The following OLFM3 variants were observed in gnomAD, a reference collection of about 807,000 sequenced individuals.
OLFM3 encodes the protein olfactomedin 3, also known as noelin-3.
OLFM3 carries 20 observed loss-of-function variants against 48.6 expected under a neutral mutation model. The observed-to-expected ratio is 0.41, with a 90% CI of 0.29 to 0.60. The LOEUF (loss-of-function observed/expected upper bound fraction) is 0.60, where lower values mean the gene tolerates loss of function less well. Among genes scored for constraint, OLFM3 ranks in the 20% least tolerant of loss-of-function variants. OLFM3 has a pLI of 0.28. For missense variants in OLFM3, 437 were observed against 544.3 expected (o/e 0.80, Z 1.96); for synonymous variants, 222 against 198.1 (o/e 1.12, Z -1.01).
chr1:101,815,454 G>GAAAA (rs71088110), intron 4 of OLFM3, among the ~76,000 whole-genome samples: 2 of 128,086 alleles, frequency 1.6e-5, no homozygotes, highest in African/African-American at 5.7e-5. Context: ...CTCAAAAAAA[G>GAAAA]AAAAAAAAAA....
At chr1:101,945,541 T>C (rs779101133) in intron 1 of OLFM3, among the ~76,000 whole-genome samples, 4 of 152,054 alleles carry the variant, frequency 2.6e-5, no homozygotes, top group African/African-American at 4.8e-5. Flanking sequence ...AAAGGGAAAA[T>C]TGGAGTGGTG....
intron 1 of OLFM3, chr1:101,882,649 T>C (rs1173953893): frequency 6.6e-6 from 1 of 151,832 alleles, no homozygotes; most frequent in South Asian, 2.1e-4. Context: ...ATGGTTGCTA[T>C]AAGTTTGACA....
chr1:101,943,988 AT>A lies in OLFM3; in HGVS notation c.69+52759del, dbSNP rs550569521. 1.5e-3 allele frequency among the ~76,000 whole-genome samples: 220 copies of A among 151,398 alleles called. 3 individuals are homozygous for A. The highest frequency in any genetic ancestry group is 5.0e-3 in the African/African-American group (208 of 41,394). ...TATGATAAAATAACCCCAAAAGAATATTCCGTTGAAAGTTGTATTCCCACTA... is the reference window on the plus strand; with the variant it reads ...TATGATAAAATAACCCCAAAAGAATATCCGTTGAAAGTTGTATTCCCACTA... On this transcript the variant is annotated intron_variant, in intron 1 of 5. Transcript: ENST00000370103.
In OLFM3 at chr1:101,812,657, T is replaced by C. The variant is rs1018521793; in HGVS notation, c.593-6475A>G. 6 of 985,650 alleles carry C rather than the reference T, an allele frequency of 6.1e-6. No homozygotes were observed. In the African/African-American group the frequency reaches 1.0e-4, roughly 17 times the overall value. 61.1% of individuals were successfully genotyped at this position (985,650 alleles called of 1,614,324 possible). On this transcript the variant is annotated intron_variant, in intron 4 of 5. Coordinates refer to ENST00000370103, the MANE Select transcript of OLFM3 (RefSeq NM_058170.4). The stretch of plus-strand genomic sequence containing the variant: ...TGGCTTCGATGGTGCTTGAATCTAA[T>C]CCAGCCTTGCATCTCTATGGCAAAG...
chr1:101,955,396 C>G (rs749030635), intron 1 of OLFM3, among the ~76,000 whole-genome samples: 1 of 151,982 alleles, frequency 6.6e-6, no homozygotes, highest in African/African-American at 2.4e-5. Context: ...GTCAAGCCTA[C>G]TTGACATCTT....
chr1:101,951,243 T>C (rs184591866), intron 1 of OLFM3, among the ~76,000 whole-genome samples: 195 of 152,338 alleles, frequency 1.3e-3, no homozygotes, highest in African/African-American at 4.4e-3. Flanking sequence ...TACACAATAT[T>C]TGAATTAGTA....
chr1:101,809,877 A>G (rs6678257), intron 4 of OLFM3, among the ~76,000 whole-genome samples: 84,013 of 151,680 alleles, frequency 0.55, 23,681 homozygotes, highest in East Asian at 0.64. Flanking sequence ...GCTCCCAAGG[A>G]ACAATATAAA....
chr1:101,858,278 G>A (rs1033658431), intron 1 of OLFM3, among the ~76,000 whole-genome samples: 1 of 151,952 alleles, frequency 6.6e-6, no homozygotes, highest in African/African-American at 2.4e-5. Flanking sequence ...AATTATTTGA[G>A]GAGCAAGGTC....
intron 1 of OLFM3, among the ~76,000 whole-genome samples, chr1:101,856,924 A>C (rs1033894431): frequency 1.4e-4 from 21 of 152,166 alleles, no homozygotes; most frequent in Admixed American, 1.2e-3. Context: ...GGGAATTAGT[A>C]CCACATAGTG....
intron 1 of OLFM3, among the ~76,000 whole-genome samples, chr1:101,858,116 T>C (rs1186513740): frequency 6.6e-6 from 1 of 152,090 alleles, no homozygotes; most frequent in African/African-American, 2.4e-5. Context: ...ACCTCATTAA[T>C]AGCTTTTTCT....
Position 101,805,920 on chromosome 1 carries a change from G to A in OLFM3, c.699+156C>T, listed in dbSNP as rs112999287. ...ACTAAAATAGATTTGTCATTCTTTC[G>A]TAGATATGTTAATATTATCAAACAG... is the stretch of plus-strand genomic sequence containing the variant. On this transcript the variant is annotated intron_variant, in intron 5 of 5. Transcript: ENST00000370103. 1.8e-3 allele frequency among the ~76,000 whole-genome samples: 266 copies of A among 151,850 alleles called. 1 individual carries two copies. Among genetic ancestry groups the A allele is most frequent in the South Asian group, 0.017 (81 of 4,826 alleles).
At position 101,903,694 on chromosome 1, in the gene OLFM3, A is replaced by G. The variant is rs188021054; in HGVS notation, c.70-66669T>C. 5.3e-5 allele frequency among the ~76,000 whole-genome samples: 8 copies of G among 152,220 alleles called. No individual in the cohort carries two copies. In the East Asian group the frequency reaches 1.5e-3, roughly 29 times the overall value. On this transcript the variant is annotated intron_variant, in intron 1 of 5. Transcript: ENST00000370103. The stretch of plus-strand genomic sequence containing the variant: ...TCTATGTTTCCTGCATGTCCTATCA[A>G]AGAAAAACAATCCTTGAAACCATTT...
chr1:101,952,742 T>C (rs749081027), intron 1 of OLFM3, among the ~76,000 whole-genome samples: 1 of 152,154 alleles, frequency 6.6e-6, no homozygotes, highest in Non-Finnish European at 1.5e-5. Flanking sequence ...TGTTCATTCA[T>C]TCATTTATTT....
intron 1 of OLFM3, among the ~76,000 whole-genome samples, chr1:101,978,814 G>A (rs868025018): frequency 6.6e-6 from 1 of 152,102 alleles, no homozygotes; most frequent in Admixed American, 6.5e-5. Context: ...TGGGAAGAAT[G>A]TCACATAGGT....
At chr1:101,830,874 T>C in intron 2 of OLFM3, 47 bp from the exon 3 acceptor site, 1 of 1,559,494 alleles carries the variant, frequency 6.4e-7, no homozygotes, top group Non-Finnish European at 8.7e-7. Flanking sequence ...GTTTGCAGGT[T>C]TGTGCAATCA....
At chr1:101,959,337 CT>C (rs34790874) in intron 1 of OLFM3, among the ~76,000 whole-genome samples, 4,664 of 105,910 alleles carry the variant, frequency 0.044, 83 homozygotes, top group East Asian at 0.08. Flanking sequence ...TCCTCCCCTC[CT>C]TTTTTTTTTT....
chr1:101,949,430 T>C lies in OLFM3; in HGVS notation c.69+47318A>G, dbSNP rs114084517. On this transcript the variant is annotated intron_variant, in intron 1 of 5. Coordinates refer to ENST00000370103, the MANE Select transcript of OLFM3 (RefSeq NM_058170.4). ...TCAAAATTGTCTCATATACCTTATC[T>C]CACGGTAGGTCAGCAAATGATATTG... Among the ~76,000 whole-genome samples the C allele has an allele frequency of 2.0e-3, 298 of 152,308 alleles. 1 individual carries two copies. Among genetic ancestry groups the C allele is most frequent in the African/African-American group, 6.9e-3 (288 of 41,554 alleles).
intron 1 of OLFM3, among the ~76,000 whole-genome samples, chr1:101,981,553 TG>T (rs1424628689): frequency 3.3e-5 from 5 of 152,196 alleles, no homozygotes; most frequent in African/African-American, 1.2e-4. Context: ...TGCACACTAG[TG>T]ATTCTCAAAA....
intron 1 of OLFM3, among the ~76,000 whole-genome samples, chr1:101,887,198 A>T (rs2100999301): frequency 6.6e-6 from 1 of 152,000 alleles, no homozygotes; most frequent in East Asian, 1.9e-4. Context: ...GCCATGAATC[A>T]AAAAATTTAA....
Sources: gnomAD v4.1 joint callset for allele counts (sites outside exome capture counted in the v4.1 genomes callset) on GRCh38, gnomAD v4.1.1 for gene constraint, MANE v1.5 for transcripts, NCBI Gene and HGNC (gene_info 2026-07-23, HGNC 2026-07-21) for gene names.